The following PHF14 variants were observed in gnomAD, a reference collection of about 807,000 sequenced individuals.
PHF14 encodes the protein PHD finger protein 14.
Under a neutral mutation model 117.9 loss-of-function variants are expected in PHF14, and 55 were observed. The ratio of observed to expected loss-of-function variants is 0.47; its 90% CI spans 0.38 to 0.58. The LOEUF is 0.58. Among genes scored for constraint, PHF14 ranks in the 20% least tolerant of loss-of-function variants. The pLI, the probability that PHF14 is intolerant of heterozygous loss-of-function variation, is 0.00. For synonymous variants in PHF14, 409 were observed against 368.6 expected (o/e 1.11, Z -1.26); for missense variants, 978 against 1,122.2 (o/e 0.87, Z 1.84).
intron 17 of PHF14, among the ~76,000 whole-genome samples, chr7:11,168,350 A>G (rs1456107565): frequency 6.6e-6 from 1 of 152,194 alleles, no homozygotes; most frequent in Admixed American, 6.5e-5. Context: ...CAAAGTATAT[A>G]AAAAAGCTTT....
intron 3 of PHF14, among the ~76,000 whole-genome samples, chr7:10,990,257 G>C (rs377403092): frequency 5.9e-5 from 9 of 152,244 alleles, no homozygotes; most frequent in East Asian, 3.9e-4. Context: ...TGTGCGTCTT[G>C]TCTTCTCTAG....
At chr7:11,082,927 A>C (rs1429940942) in intron 16 of PHF14, among the ~76,000 whole-genome samples, 2 of 152,100 alleles carry the variant, frequency 1.3e-5, no homozygotes, top group South Asian at 2.1e-4. Context: ...CCTTTACTAC[A>C]TGCCCAGGCA....
In PHF14 at chr7:11,042,298, T is replaced by C. The variant is rs115118856; in HGVS notation, c.2181-385T>C. Among the ~76,000 whole-genome samples the C allele has an allele frequency of 5.7e-3, 872 of 151,988 alleles. 7 individuals are homozygous for C. Among genetic ancestry groups the C allele is most frequent in the African/African-American group, 0.02 (826 of 41,524 alleles). ...GTAATTTTTTTATAGTTTTAGAAAA[T>C]TGGAAAATTACTTTGTTCTATAATT... On this transcript the variant is annotated intron_variant, in intron 12 of 17. Transcript: ENST00000634607.
At chr7:11,057,652 G>T (rs1785063692) in intron 14 of PHF14, among the ~76,000 whole-genome samples, 1 of 152,176 alleles carries the variant, frequency 6.6e-6, no homozygotes, top group Non-Finnish European at 1.5e-5. Flanking sequence ...AAGATCACAG[G>T]CCTGAGCCAC....
At chr7:11,040,189 G>A (rs1396592095) in intron 11 of PHF14, among the ~76,000 whole-genome samples, 7 of 152,054 alleles carry the variant, frequency 4.6e-5, no homozygotes, top group Admixed American at 1.3e-4. Flanking sequence ...TTGATAGATG[G>A]TTGCTGTCTG....
chr7:11,060,480 A>T (rs747439917), intron 14 of PHF14, among the ~76,000 whole-genome samples: 4 of 152,060 alleles, frequency 2.6e-5, no homozygotes, highest in Non-Finnish European at 5.9e-5. Context: ...GTTGTTAAGG[A>T]CCTTTCTACA....
At chr7:11,117,562 C>G (rs886767925) in intron 17 of PHF14, among the ~76,000 whole-genome samples, 1 of 86,698 alleles carries the variant, frequency 1.2e-5, no homozygotes, top group South Asian at 4.1e-4. Flanking sequence ...AATTCTATAA[C>G]TATGCCCAAA....
intron 7 of PHF14, among the ~76,000 whole-genome samples, chr7:11,033,772 T>C (rs948482626): frequency 6.6e-5 from 10 of 152,194 alleles, no homozygotes; most frequent in African/African-American, 2.4e-4. Context: ...AGAATAATTA[T>C]CTAGATCTGG....
At chr7:10,976,426 T>C (rs1024186856) in intron 2 of PHF14, among the ~76,000 whole-genome samples, 1 of 152,152 alleles carries the variant, frequency 6.6e-6, no homozygotes, top group Admixed American at 6.5e-5. Context: ...TGGTTTGTTA[T>C]GGTTGTGGTT....
chr7:11,102,690 G>A, intron 16 of PHF14: 1 of 1,424,716 alleles, frequency 7.0e-7, no homozygotes, highest in Non-Finnish European at 9.2e-7. Flanking sequence ...GAATATAATT[G>A]ATTGGTTTGT....
chr7:11,002,301 T>TA (rs1264014908), intron 4 of PHF14, among the ~76,000 whole-genome samples: 2 of 151,932 alleles, frequency 1.3e-5, no homozygotes, highest in African/African-American at 4.8e-5. Context: ...ATGTGGACGA[T>TA]GTCATGCTGG....
chr7:11,010,676 T>C (rs1783322927), intron 4 of PHF14, among the ~76,000 whole-genome samples: 2 of 152,036 alleles, frequency 1.3e-5, no homozygotes, highest in Non-Finnish European at 2.9e-5. Flanking sequence ...TGAAAAAATA[T>C]ATATACTTTT....
At chr7:11,044,267 A>G (rs1784593555) in intron 13 of PHF14, among the ~76,000 whole-genome samples, 2 of 152,106 alleles carry the variant, frequency 1.3e-5, no homozygotes, top group Non-Finnish European at 1.5e-5. Flanking sequence ...AGTATCATGC[A>G]GTATACCCAT....
At position 11,130,563 on chromosome 7, in the gene PHF14, A is replaced by G. The variant is rs1317200589; in HGVS notation, c.2772+19096A>G. On this transcript the variant is annotated intron_variant, in intron 17 of 17. Transcript: ENST00000634607. The surrounding 1 kb of genome is among the most constrained non-coding windows in gnomAD (Gnocchi z 4.2). ...TAGAAAAATGGAGTTAAAACTACAGATTTCCCATATGCCCCCTCATCCCTT... is the reference window on the plus strand; with the variant it reads ...TAGAAAAATGGAGTTAAAACTACAGGTTTCCCATATGCCCCCTCATCCCTT... 2.6e-5 allele frequency among the ~76,000 whole-genome samples: 4 copies of G among 151,794 alleles called. No homozygotes were observed. Among genetic ancestry groups the G allele is most frequent in the African/African-American group, 9.7e-5 (4 of 41,358 alleles).
intron 3 of PHF14, among the ~76,000 whole-genome samples, chr7:10,984,725 G>A (rs1449248836): frequency 6.6e-6 from 1 of 152,170 alleles, no homozygotes; most frequent in African/African-American, 2.4e-5. Flanking sequence ...CGTAAAGTGT[G>A]TGTAGTATCT....
At chr7:11,152,630 C>G (rs1175929226) in intron 17 of PHF14, among the ~76,000 whole-genome samples, 3 of 151,862 alleles carry the variant, frequency 2.0e-5, no homozygotes. Context: ...AGGAATAAGA[C>G]TAACTTATAA....
At chr7:11,035,593 CTT>C in intron 7 of PHF14, 45 bp from the exon 8 acceptor site, 3 of 1,333,730 alleles carry the variant, frequency 2.2e-6, no homozygotes, top group Non-Finnish European at 3.1e-6. Context: ...TTTTATGACT[CTT>C]GGGAGTACAA....
At chr7:11,062,477 G>A (rs1218847167) in intron 16 of PHF14, 1 of 156,558 alleles carries the variant, frequency 6.4e-6, no homozygotes, top group African/African-American at 2.4e-5. Context: ...AAATTTAGAA[G>A]CAATGGTGAG....
chr7:11,072,328 C>G (rs1194370508), intron 16 of PHF14, among the ~76,000 whole-genome samples: 1 of 152,160 alleles, frequency 6.6e-6, no homozygotes, highest in African/African-American at 2.4e-5. Context: ...ATGGTATAAA[C>G]CATTCATGAG....
Sources: allele counts gnomAD v4.1 joint callset (sites outside exome capture counted in the v4.1 genomes callset), GRCh38; gene constraint gnomAD v4.1.1; non-coding constraint Gnocchi (gnomAD v3.1); transcripts MANE v1.5; gene names NCBI Gene and HGNC (gene_info 2026-07-23, HGNC 2026-07-21).